CD68: variants seen among roughly 807,000 people sequenced by gnomAD.
CD68 encodes the protein macrosialin.
Under a neutral mutation model 31.3 loss-of-function variants are expected in CD68, and 24 were observed. The ratio of observed to expected loss-of-function variants is 0.77; its 90% CI spans 0.55 to 1.08. The LOEUF is 1.08. CD68 is among the 50% of genes least tolerant of loss of function. The pLI, the probability that CD68 is intolerant of heterozygous loss-of-function variation, is 0.00. For missense variants in CD68, 461 were observed against 442.5 expected (o/e 1.04, Z -0.38); for synonymous variants, 190 against 179.6 (o/e 1.06, Z -0.46).
At position 7,579,699 on chromosome 17, in the gene CD68, T is replaced by G; in HGVS notation, c.22T>G (p.Ser8Ala). Residue 8 changes from serine (S) to alanine (A), a missense_variant, in exon 1 of 6, where the codon TCG becomes GCG. Ser to Ala is a moderately conservative substitution (Grantham distance 99, BLOSUM62 1). Coordinates refer to ENST00000250092, the MANE Select transcript of CD68 (RefSeq NM_001251.3). ...AGCCATGAGGCTGGCTGTGCTTTTC[T>G]CGGGGGCCCTGCTGGGGCTACTGGC... MRLAVLF[S>A]GALLGLLAAQ... 3 of 1,603,780 alleles carry G rather than the reference T, an allele frequency of 1.9e-6. No individual in the cohort carries two copies. The South Asian group carries it at 3.3e-5, about 18-fold the overall frequency.
In CD68 at chr17:7,579,808, A is replaced by T; in HGVS notation, c.50-2A>T. ...TGCTAACCATCTCCTCTCTGCCAAAAGCCCAGGGGACAGGGAATGACTGTC... is the reference window on the plus strand; with the variant it reads ...TGCTAACCATCTCCTCTCTGCCAAATGCCCAGGGGACAGGGAATGACTGTC... On this transcript the variant is annotated splice_acceptor_variant, in intron 1 of 5. Coordinates refer to ENST00000250092, the MANE Select transcript of CD68 (RefSeq NM_001251.3). LOFTEE classifies it high-confidence loss of function. The T allele has an allele frequency of 6.2e-7, 1 of 1,611,336 alleles. No homozygotes were observed. The highest frequency in any genetic ancestry group is 8.5e-7 in the Non-Finnish European group (1 of 1,178,198).
In CD68 at chr17:7,579,943, T is replaced by A. The variant is rs2071461361; in HGVS notation, c.183T>A (p.Thr61=). 1 of 1,612,712 alleles carries A rather than the reference T, an allele frequency of 6.2e-7. No individual in the cohort carries two copies. The highest frequency in any genetic ancestry group is 1.1e-5 in the South Asian group (1 of 90,998). ...CTACCAAGAGCCACAAAACCACCAC[T>A]CACAGGACAACCACCACAGGCACCA... is the stretch of plus-strand genomic sequence containing the variant. ...HRTTKSHKTT[T]HRTTTTGTTS... Residue 61 remains threonine (T), a synonymous_variant, in exon 2 of 6, where the codon ACT becomes ACA. Coordinates refer to ENST00000250092, the MANE Select transcript of CD68 (RefSeq NM_001251.3).
In CD68 at chr17:7,580,092, CTGCCACCACTAGTCATGGAAA is replaced by C; in HGVS notation, c.339_359del (p.Thr114_Thr120del). 1 of 1,614,086 alleles carries C rather than the reference CTGCCACCACTAGTCATGGAAA, an allele frequency of 6.2e-7. No individual in the cohort carries two copies. Among genetic ancestry groups the C allele is most frequent in the Non-Finnish European group, 8.5e-7 (1 of 1,180,004 alleles). The stretch of plus-strand genomic sequence containing the variant: ...GGACCCTCAACTGCCACTCACAGTC[CTGCCACCACTAGTCATGGAAA>C]TGCCACGGTTCATCCAACAAGCAAC... On this transcript the variant is annotated inframe_deletion, in exon 2 of 6. Transcript: ENST00000250092. The surrounding 1 kb of genome is among the most constrained non-coding windows in gnomAD (Gnocchi z 4.3).
rs2071470590 is a variant in CD68 at position 7,580,542 on chromosome 17, TTC to T, written c.649_650del (p.Ser217IlefsTer100). 6.2e-7 allele frequency: 1 copy of T among 1,613,904 alleles called. No individual in the cohort carries two copies. The highest frequency in any genetic ancestry group is 1.7e-5 in the Admixed American group (1 of 59,988). ...TGTGAGGGTGCCCATCCCCACCTGC[TTC>T]TCTCATTCCCCTATGGACACCTCAG... On this transcript the variant is annotated frameshift_variant, in exon 3 of 6. Transcript: ENST00000250092. LOFTEE classifies it high-confidence loss of function. The surrounding 1 kb of genome is among the most constrained non-coding windows in gnomAD (Gnocchi z 4.3).
chr17:7,580,728 T>G lies in CD68; in HGVS notation c.705T>G (p.Val235=), dbSNP rs1597855745. 5 of 1,614,036 alleles carry G rather than the reference T, an allele frequency of 3.1e-6. No individual in the cohort carries two copies. The East Asian group carries it at 1.1e-4, about 36-fold the overall frequency. The change falls in exon 4 of 6, where the codon GTT becomes GTG. Residue 235 remains valine (V), a synonymous_variant. Transcript: ENST00000250092. The surrounding 1 kb of genome is among the most constrained non-coding windows in gnomAD (Gnocchi z 4.3). ...FGFMQDLQQK[V]VYLSYMAVEY... is the part of the protein sequence containing the mutation. ...CCCCACAGGACCTCCAGCAGAAGGT[T>G]GTCTACCTGAGCTACATGGCGGTGG...
rs2071463658 is a variant in CD68 at position 7,580,066 on chromosome 17, G to A, written c.306G>A (p.Gln102=). ...HPTSNSTATS[Q]GPSTATHSPA... The stretch of plus-strand genomic sequence containing the variant: ...CAAGCAATAGCACTGCCACCAGCCA[G>A]GGACCCTCAACTGCCACTCACAGTC... The change falls in exon 2 of 6, where the codon CAG becomes CAA. Residue 102 remains glutamine (Q), a synonymous_variant. Transcript: ENST00000250092. The surrounding 1 kb of genome is among the most constrained non-coding windows in gnomAD (Gnocchi z 4.3). The A allele has an allele frequency of 1.2e-6, 2 of 1,613,780 alleles. No individual in the cohort carries two copies. The highest frequency in any genetic ancestry group is 1.7e-6 in the Non-Finnish European group (2 of 1,179,932).
rs779703938 is a variant in CD68, at chr17:7,579,903, C to T, written c.143C>T (p.Thr48Ile). The part of the protein sequence containing the change: ...VTPTVTESTG[T>I]TSHRTTKSHK... The stretch of plus-strand genomic sequence containing the variant: ...CCCACGGTTACAGAGAGCACTGGAA[C>T]AACCAGCCACAGGACTACCAAGAGC... Residue 48 changes from threonine (T) to isoleucine (I), a missense_variant, in exon 2 of 6, where the codon ACA becomes ATA. Physicochemically the swap from Thr to Ile is moderately conservative, Grantham distance 89 (BLOSUM62 -1). Transcript: ENST00000250092. 4 of 1,613,972 alleles carry T rather than the reference C, an allele frequency of 2.5e-6. No homozygotes were observed. The African/African-American group carries it at 4.0e-5, about 16-fold the overall frequency.
chr17:7,579,817 G>A lies in CD68; in HGVS notation c.57G>A (p.Gly19=), dbSNP rs753177749. The A allele has an allele frequency of 8.7e-6, 14 of 1,613,306 alleles. No individual in the cohort carries two copies. The South Asian group carries it at 1.2e-4, about 14-fold the overall frequency. ...GALLGLLAAQ[G]TGNDCPHKKS... Reference sequence around the variant, plus strand: ...TCTCCTCTCTGCCAAAAGCCCAGGGGACAGGGAATGACTGTCCTCACAAAA... The same window carrying A: ...TCTCCTCTCTGCCAAAAGCCCAGGGAACAGGGAATGACTGTCCTCACAAAA... The change falls in exon 2 of 6, where the codon GGG becomes GGA. Residue 19 remains glycine (G), a synonymous_variant. Coordinates refer to ENST00000250092, the MANE Select transcript of CD68 (RefSeq NM_001251.3).
Position 7,580,454 on chromosome 17 carries a change from T to A in CD68, c.568-12T>A, listed in dbSNP as rs1433609084. ...TGCAGTCTTGTGACCTTCCAGTCTT[T>A]AACTTCCGCAGGCCTGGGGCATCTC... On this transcript the variant is annotated splice_polypyrimidine_tract_variant and intron_variant, in intron 2 of 5. Transcript: ENST00000250092. The surrounding 1 kb of genome is among the most constrained non-coding windows in gnomAD (Gnocchi z 4.3). 6.8e-6 allele frequency: 11 copies of A among 1,613,972 alleles called. No individual in the cohort carries two copies. The highest frequency in any genetic ancestry group is 2.2e-5 in the South Asian group (2 of 91,072).
chr17:7,580,414 T>C lies in CD68; in HGVS notation c.568-52T>C. 1 of 1,611,630 alleles carries C rather than the reference T, an allele frequency of 6.2e-7. No individual in the cohort carries two copies. The highest frequency in any genetic ancestry group is 8.5e-7 in the Non-Finnish European group (1 of 1,178,226). On this transcript the variant is annotated intron_variant, in intron 2 of 5. Coordinates refer to ENST00000250092, the MANE Select transcript of CD68 (RefSeq NM_001251.3). The surrounding 1 kb of genome is among the most constrained non-coding windows in gnomAD (Gnocchi z 4.3). ...AAGAAGGAAGAGGGGACAGGGAACC[T>C]TGGCCGGCATCGCATGCAGTCTTGT...
In CD68 at chr17:7,581,424, CG is replaced by C; in HGVS notation, c.980del (p.Gly327AlafsTer2). 1 of 1,614,152 alleles carries C rather than the reference CG, an allele frequency of 6.2e-7. No homozygotes were observed. The highest frequency in any genetic ancestry group is 8.5e-7 in the Non-Finnish European group (1 of 1,179,998). ...DRSILLPLII[G>X]LILLGLLALV... Reference sequence around the variant, plus strand: ...GGTCCATCTTGCTGCCTCTCATCATCGGCCTGATCCTTCTTGGCCTCCTCGC... The same window carrying C: ...GGTCCATCTTGCTGCCTCTCATCATCGCCTGATCCTTCTTGGCCTCCTCGC... On this transcript the variant is annotated frameshift_variant, in exon 6 of 6. Transcript: ENST00000250092. LOFTEE classifies it high-confidence loss of function.
At position 7,581,350 on chromosome 17, in the gene CD68, A is replaced by T. The variant is rs752471089; in HGVS notation, c.932-28A>T. On this transcript the variant is annotated intron_variant, in intron 5 of 5. Transcript: ENST00000250092. ...TATCCCAACCAGCACGTCACTGCAA[A>T]TACCTACCTGCCCTATCCTTCCGCC... 3.7e-6 allele frequency: 6 copies of T among 1,613,800 alleles called. No individual in the cohort carries two copies. The South Asian group carries it at 6.6e-5, about 18-fold the overall frequency.
At chr17:7,581,227 T>G (rs2071480959) in intron 5 of CD68, 151 bp from the exon 6 acceptor site, 2 of 1,168,232 alleles carry the variant, frequency 1.7e-6, no homozygotes, top group African/African-American at 1.5e-5. Context: ...TCTACAAGAC[T>G]CTGCCAGTTT....
At position 7,581,788 on chromosome 17, in the gene CD68, G is replaced by C; in HGVS notation, c.*277G>C. On this transcript the variant is annotated 3_prime_UTR_variant, in exon 6 of 6. Transcript: ENST00000250092. ...AATACAATTAGCCAGGTGTGGCGGCGTAATCCCAGCTGGCCTGTAATCCCA... is the reference window on the plus strand; with the variant it reads ...AATACAATTAGCCAGGTGTGGCGGCCTAATCCCAGCTGGCCTGTAATCCCA... The C allele has an allele frequency of 2.7e-6, 1 of 366,192 alleles. No homozygotes were observed. The highest frequency in any genetic ancestry group is 2.5e-5 in the South Asian group (1 of 39,566). 22.7% of individuals were successfully genotyped at this position (366,192 alleles called of 1,614,324 possible).
chr17:7,580,246 G>A lies in CD68; in HGVS notation c.486G>A (p.Trp162Ter), dbSNP rs760225041. ...AGGAGACCATTGGAGACTACACGTG[G>A]ACCAATGGTTCCCAGCCCTGTGTCC... ...TSKETIGDYT[W>*]TNGSQPCVHL... is the part of the protein sequence containing the mutation. Residue 162 changes from tryptophan (W) to a stop codon, truncating the protein, a stop_gained, in exon 2 of 6, where the codon TGG (tryptophan) becomes TGA (stop). Transcript: ENST00000250092. LOFTEE classifies it high-confidence loss of function. This position sits in a 1 kb window ranked among gnomAD's most constrained non-coding sequence, Gnocchi z 4.3. 2 of 1,613,488 alleles carry A rather than the reference G, an allele frequency of 1.2e-6. No homozygotes were observed. Among genetic ancestry groups the A allele is most frequent in the Admixed American group, 3.3e-5 (2 of 59,950 alleles).
rs200805618 is a variant in CD68 at position 7,580,887 on chromosome 17, C to T, written c.761-9C>T. The T allele has an allele frequency of 6.2e-6, 10 of 1,614,018 alleles. No homozygotes were observed. The highest frequency in any genetic ancestry group is 5.3e-5 in the African/African-American group (4 of 74,982). The stretch of plus-strand genomic sequence containing the variant: ...GTGGATAGGATCTGACCCTTCCTCA[C>T]TCCTCCAGAGTGGACATTCTCGGCT... On this transcript the variant is annotated splice_polypyrimidine_tract_variant and intron_variant, in intron 4 of 5. Transcript: ENST00000250092. This position sits in a 1 kb window ranked among gnomAD's most constrained non-coding sequence, Gnocchi z 4.3.
In CD68 at chr17:7,580,463, C is replaced by T; in HGVS notation, c.568-3C>T. On this transcript the variant is annotated splice_polypyrimidine_tract_variant and splice_region_variant and intron_variant, in intron 2 of 5. Transcript: ENST00000250092. This position sits in a 1 kb window ranked among gnomAD's most constrained non-coding sequence, Gnocchi z 4.3. ...GTGACCTTCCAGTCTTTAACTTCCG[C>T]AGGCCTGGGGCATCTCTGTACTGAA... 1.2e-6 allele frequency: 2 copies of T among 1,614,048 alleles called. No homozygotes were observed. Among genetic ancestry groups the T allele is most frequent in the South Asian group, 2.2e-5 (2 of 91,074 alleles).
At position 7,580,085 on chromosome 17, in the gene CD68, C is replaced by A; in HGVS notation, c.325C>A (p.His109Asn). Residue 109 changes from histidine (H) to asparagine (N), a missense_variant, in exon 2 of 6, where the codon CAC (histidine) becomes AAC (asparagine). By Grantham distance (68) the His-to-Asn change is moderately conservative. Transcript: ENST00000250092. The surrounding 1 kb of genome is among the most constrained non-coding windows in gnomAD (Gnocchi z 4.3). The stretch of plus-strand genomic sequence containing the variant: ...CAGCCAGGGACCCTCAACTGCCACT[C>A]ACAGTCCTGCCACCACTAGTCATGG... ...ATSQGPSTAT[H>N]SPATTSHGNA... 4.3e-6 allele frequency: 7 copies of A among 1,614,112 alleles called. No individual in the cohort carries two copies. The African/African-American group carries it at 8.0e-5, about 18-fold the overall frequency.
At position 7,580,939 on chromosome 17, in the gene CD68, A is replaced by G. The variant is rs1263933183; in HGVS notation, c.804A>G (p.Gln268=). The change falls in exon 5 of 6, where the codon CAA becomes CAG. Residue 268 remains glutamine (Q), a synonymous_variant. Coordinates refer to ENST00000250092, the MANE Select transcript of CD68 (RefSeq NM_001251.3). This position sits in a 1 kb window ranked among gnomAD's most constrained non-coding sequence, Gnocchi z 4.3. The part of the protein sequence containing the change: ...SAQNASLRDL[Q]APLGQSFSCS... Reference sequence around the variant, plus strand: ...AGAATGCATCCCTTCGAGATCTCCAAGCACCCCTGGGGCAGAGCTTCAGTT... The same window carrying G: ...AGAATGCATCCCTTCGAGATCTCCAGGCACCCCTGGGGCAGAGCTTCAGTT... 3.1e-6 allele frequency: 5 copies of G among 1,613,936 alleles called. No individual in the cohort carries two copies. The highest frequency in any genetic ancestry group is 3.4e-6 in the Non-Finnish European group (4 of 1,179,998).
Sources: gnomAD v4.1 joint callset for allele counts on GRCh38, gnomAD v4.1.1 for gene constraint, Gnocchi (gnomAD v3.1) non-coding constraint, MANE v1.5 for transcripts, NCBI Gene and HGNC (gene_info 2026-07-23, HGNC 2026-07-21) for gene names.